Variants in SAFB2 observed in about 807,000 individuals in gnomAD.
SAFB2 encodes scaffold attachment factor B2.
In SAFB2, 32 loss-of-function variants were observed where a neutral mutation model predicts 100.6. That is an observed-to-expected ratio of 0.32 (90% confidence interval 0.24 to 0.43). The LOEUF is 0.43. Ranked by LOEUF, SAFB2 falls within the 20% of genes least tolerant of loss-of-function variation. The pLI, the probability that SAFB2 is intolerant of heterozygous loss-of-function variation, is 1.00. For synonymous variants in SAFB2, 500 were observed against 439.4 expected (o/e 1.14, Z -1.72); for missense variants, 1,185 against 1,163.4 (o/e 1.02, Z -0.27).
chr19:5,603,201 G>A (rs775168751), intron 11 of SAFB2, among the ~76,000 whole-genome samples: 10 of 152,162 alleles, frequency 6.6e-5, no homozygotes, highest in Non-Finnish European at 1.2e-4. Context: ...TTGGGAAGTC[G>A]AGGCTGTAAT....
chr19:5,606,926 G>C (rs2052786747), intron 9 of SAFB2, among the ~76,000 whole-genome samples: 1 of 152,152 alleles, frequency 6.6e-6, no homozygotes, highest in Non-Finnish European at 1.5e-5. Context: ...CACCTGGTGA[G>C]GTGAACATGA....
chr19:5,609,809 C>T (rs1599264624), intron 9 of SAFB2, among the ~76,000 whole-genome samples, 186 bp downstream of exon 9: 1 of 152,026 alleles, frequency 6.6e-6, no homozygotes, highest in Admixed American at 6.6e-5. Context: ...TGCTGTCGTT[C>T]CATTTTTTAG....
At chr19:5,613,939 C>T (rs2052966990) in intron 4 of SAFB2, among the ~76,000 whole-genome samples, 1 of 152,198 alleles carries the variant, frequency 6.6e-6, no homozygotes, top group African/African-American at 2.4e-5. Context: ...TCCTAGCCTA[C>T]TTTATTCATT....
chr19:5,591,529 C>T (rs1326588908), intron 17 of SAFB2: 2 of 506,102 alleles, frequency 4.0e-6, no homozygotes, highest in Non-Finnish European at 3.6e-6. Flanking sequence ...CCACCCACCT[C>T]AGCTTCCCAA....
intron 6 of SAFB2, 180 bp from the exon 7 acceptor site, chr19:5,611,810 C>T: frequency 1.5e-6 from 1 of 646,140 alleles, no homozygotes; most frequent in East Asian, 2.9e-5. Flanking sequence ...GCCGCGACCG[C>T]CTCTAGGTAA....
In SAFB2 at chr19:5,610,082, G is replaced by T. The variant is rs769738084; in HGVS notation, c.1209C>A (p.Ser403Arg). 5.6e-6 allele frequency: 9 copies of T among 1,613,992 alleles called. No homozygotes were observed. Among genetic ancestry groups the T allele is most frequent in the Non-Finnish European group, 7.6e-6 (9 of 1,179,906 alleles). ...TGACCCACAGGTTCCGACCAGAACC[G>T]CTGCCGACCCGACCTGGCACGAGAG... ...IIKDEKGRVGSGSGRNLWVSG... is the reference protein window; with the variant it reads ...IIKDEKGRVGRGSGRNLWVSG... Residue 403 changes from serine to arginine, a missense_variant, in exon 9 of 21, where the codon AGC (serine) becomes AGA (arginine). Ser to Arg is a moderately radical substitution (Grantham distance 110, BLOSUM62 -1). This residue lies in a region of SAFB2 where 94 missense variants were observed against 135.1 expected (regional missense o/e 0.70). Coordinates refer to ENST00000252542, the MANE Select transcript of SAFB2 (RefSeq NM_014649.3).
At chr19:5,604,143 G>C (rs1004243226) in intron 11 of SAFB2, among the ~76,000 whole-genome samples, 1 of 152,200 alleles carries the variant, frequency 6.6e-6, no homozygotes, top group African/African-American at 2.4e-5. Context: ...GGGCGTGGTG[G>C]CTCACACCTG....
intron 9 of SAFB2, among the ~76,000 whole-genome samples, chr19:5,606,563 G>A (rs772577872): frequency 6.6e-6 from 1 of 152,100 alleles, no homozygotes; most frequent in Non-Finnish European, 1.5e-5. Context: ...GGAGCTCGAG[G>A]CTGCAGTGAG....
Position 5,602,200 on chromosome 19 carries a change from G to A in SAFB2, c.1560-1940C>T, listed in dbSNP as rs74743861. Among the ~76,000 whole-genome samples the A allele has an allele frequency of 8.7e-3, 1,327 of 152,016 alleles. 27 individuals carry two copies. Among genetic ancestry groups the A allele is most frequent in the African/African-American group, 0.03 (1,244 of 41,434 alleles). ...TGGTCTTAAAGATCTTAAGTTCGCC[G>A]GGCGCGATGGCTCACACCTGTAATC... is the stretch of plus-strand genomic sequence containing the variant. On this transcript the variant is annotated intron_variant, in intron 11 of 20. Coordinates refer to ENST00000252542, the MANE Select transcript of SAFB2 (RefSeq NM_014649.3).
chr19:5,597,417 C>T (rs1325344897), intron 13 of SAFB2, among the ~76,000 whole-genome samples: 1 of 150,638 alleles, frequency 6.6e-6, no homozygotes. Flanking sequence ...AAATATCATG[C>T]ATAAAATAAA....
intron 15 of SAFB2, among the ~76,000 whole-genome samples, chr19:5,593,385 G>A (rs1002466834): frequency 6.6e-6 from 1 of 152,192 alleles, no homozygotes; most frequent in African/African-American, 2.4e-5. Flanking sequence ...CTAGGCTCAC[G>A]GAGAGCGGGG....
chr19:5,601,687 G>A (rs2052662059), intron 11 of SAFB2, among the ~76,000 whole-genome samples: 1 of 150,362 alleles, frequency 6.7e-6, no homozygotes, highest in African/African-American at 2.5e-5. Flanking sequence ...ACTCCAGCCT[G>A]GCAACAGAGA....
At position 5,622,632 on chromosome 19, in the gene SAFB2, C is replaced by T. The variant is rs1320557906; in HGVS notation, c.84G>A (p.Arg28=). ...LGPGVAETGT[R]RLSELRVIDL... is the part of the protein sequence containing the mutation. ...CGATCACCCGCAGCTCGCTGAGCCGCCTCGTCCCAGTCTCCGCAACGCCCG... is the reference window on the plus strand; with the variant it reads ...CGATCACCCGCAGCTCGCTGAGCCGTCTCGTCCCAGTCTCCGCAACGCCCG... The change falls in exon 1 of 21, where the codon AGG becomes AGA. Residue 28 remains arginine, a synonymous_variant. Transcript: ENST00000252542. 1.2e-5 allele frequency: 20 copies of T among 1,612,036 alleles called. No individual in the cohort carries two copies. The highest frequency in any genetic ancestry group is 1.7e-5 in the Non-Finnish European group (20 of 1,179,568).
At chr19:5,596,582 G>T (rs186237331) in intron 13 of SAFB2, among the ~76,000 whole-genome samples, 37 of 152,114 alleles carry the variant, frequency 2.4e-4, no homozygotes, top group African/African-American at 8.7e-4. Flanking sequence ...GAGCTCAAGT[G>T]ATCTGCTGCT....
intron 15 of SAFB2, 55 bp from the exon 16 acceptor site, chr19:5,592,942 A>T (rs775936730): frequency 3.5e-5 from 55 of 1,572,904 alleles, no homozygotes; most frequent in Non-Finnish European, 4.5e-5. Context: ...GAGGAGGAGG[A>T]AAAAAGGAGG....
chr19:5,591,122 G>A (rs1174637548), intron 17 of SAFB2, among the ~76,000 whole-genome samples: 3 of 152,150 alleles, frequency 2.0e-5, no homozygotes, highest in Non-Finnish European at 4.4e-5. Flanking sequence ...GGTTCTTGGG[G>A]GACCCCACAG....
At chr19:5,600,446 A>G (rs1161297421) in intron 11 of SAFB2, among the ~76,000 whole-genome samples, 186 bp from the exon 12 acceptor site, 1 of 152,216 alleles carries the variant, frequency 6.6e-6, no homozygotes, top group Non-Finnish European at 1.5e-5. Flanking sequence ...TACAGGCTGT[A>G]TTCCCACTTC....
chr19:5,617,087 A>T (rs2053049477), intron 2 of SAFB2, among the ~76,000 whole-genome samples: 4 of 152,216 alleles, frequency 2.6e-5, no homozygotes, highest in African/African-American at 7.2e-5. Context: ...TAAGAAAAAA[A>T]ATCACAAAAA....
In SAFB2 at chr19:5,587,566, G is replaced by C. The variant is rs2052284072; in HGVS notation, c.2705+135C>G. 1 of 1,451,220 alleles carries C rather than the reference G, an allele frequency of 6.9e-7. No homozygotes were observed. Among genetic ancestry groups the C allele is most frequent in the Middle Eastern group, 1.8e-4 (1 of 5,484 alleles). The allele number at this position is 1,451,220 out of a possible 1,614,324, so 89.9% of individuals were successfully genotyped here. A position where few individuals can be genotyped will look rare whatever the true frequency, so the allele number is the denominator to read the frequency against. ...TCCAGGTAACTCAAGAGCGTTATTT[G>C]CATAAATTGCAAAGAGCTGCTTTTT... On this transcript the variant is annotated intron_variant, in intron 20 of 20. Transcript: ENST00000252542. The surrounding 1 kb of genome is among the most constrained non-coding windows in gnomAD (Gnocchi z 4.9).
Sources: allele counts gnomAD v4.1 joint callset (sites outside exome capture counted in the v4.1 genomes callset), GRCh38; gene constraint gnomAD v4.1.1; regional missense constraint gnomAD v4.1.1; non-coding constraint Gnocchi (gnomAD v3.1); transcripts MANE v1.5; gene names NCBI Gene and HGNC (gene_info 2026-07-23, HGNC 2026-07-21).